AKAP6: variants seen among roughly 807,000 people sequenced by gnomAD.
AKAP6 encodes A-kinase anchor protein 6.
A neutral mutation model predicts 188.5 loss-of-function variants in AKAP6; 58 were observed. That is an observed-to-expected ratio of 0.31 (90% CI 0.25 to 0.38). The LOEUF (loss-of-function observed/expected upper bound fraction) is 0.38. Ranked by LOEUF, AKAP6 falls within the 10% of genes least tolerant of loss-of-function variation. The pLI is 1.00. For synonymous variants in AKAP6, 989 were observed against 998.6 expected (o/e 0.99, Z 0.18); for missense variants, 2,710 against 2,740.0 (o/e 0.99, Z 0.24).
chr14:32,600,854 A>C, intron 7 of AKAP6, 62 bp downstream of exon 7: 1 of 1,479,550 alleles, frequency 6.8e-7, no homozygotes, highest in South Asian at 1.5e-5. Flanking sequence ...ACTAGGCACC[A>C]CTGAAGTTTT....
intron 11 of AKAP6, among the ~76,000 whole-genome samples, chr14:32,736,547 G>T (rs2139845796): frequency 6.6e-6 from 1 of 152,224 alleles, no homozygotes; most frequent in African/African-American, 2.4e-5. Flanking sequence ...AGCCCATACT[G>T]CTTGAATCTT....
intron 10 of AKAP6, chr14:32,732,826 T>A: frequency 1.6e-6 from 1 of 616,308 alleles, no homozygotes; most frequent in South Asian, 2.0e-5. Context: ...TAATTTTGGT[T>A]CTTTAATACA....
At chr14:32,677,009 A>T (rs1889455870) in intron 7 of AKAP6, among the ~76,000 whole-genome samples, 1 of 152,052 alleles carries the variant, frequency 6.6e-6, no homozygotes, top group African/African-American at 2.4e-5. Flanking sequence ...TATTTTTAGT[A>T]GAGACGGGGT....
At chr14:32,453,081 C>T (rs1890991882) in intron 2 of AKAP6, among the ~76,000 whole-genome samples, 1 of 152,106 alleles carries the variant, frequency 6.6e-6, no homozygotes, top group Non-Finnish European at 1.5e-5. Context: ...AAAGAGAATC[C>T]TAGCTTCAGA....
At chr14:32,684,977 T>G (rs1889845371) in intron 8 of AKAP6, among the ~76,000 whole-genome samples, 1 of 152,080 alleles carries the variant, frequency 6.6e-6, no homozygotes, top group Non-Finnish European at 1.5e-5. Context: ...TGGGCGGGGC[T>G]GGGCACAGTG....
At chr14:32,672,708 TGTTAA>T (rs1349292474) in intron 7 of AKAP6, among the ~76,000 whole-genome samples, 1 of 152,172 alleles carries the variant, frequency 6.6e-6, no homozygotes, top group Non-Finnish European at 1.5e-5. Flanking sequence ...CATAATATTA[TGTTAA>T]AAGTTTACCA....
chr14:32,760,035 G>T (rs936765260), intron 11 of AKAP6, among the ~76,000 whole-genome samples: 10 of 152,300 alleles, frequency 6.6e-5, no homozygotes, highest in African/African-American at 2.4e-4. Flanking sequence ...TTACGCATGT[G>T]GTTCTCACTA....
intron 1 of AKAP6, among the ~76,000 whole-genome samples, chr14:32,354,876 G>C (rs142074007): frequency 0.022 from 3,346 of 152,272 alleles, 261 homozygotes; most frequent in Admixed American, 0.16. Flanking sequence ...ATGCCATCCC[G>C]GGGAGTTGCC....
intron 9 of AKAP6, among the ~76,000 whole-genome samples, chr14:32,716,665 T>TTATCTATCTATCTATCTATCTATC (rs59039609): frequency 9.7e-5 from 14 of 143,596 alleles, no homozygotes; most frequent in South Asian, 4.5e-4. Context: ...ATGGTATACA[T>TTATCTATCTATCTATCTATCTATC]TATCTATCTA....
chr14:32,792,550 C>A (rs1469766337), intron 12 of AKAP6, among the ~76,000 whole-genome samples: 1 of 152,142 alleles, frequency 6.6e-6, no homozygotes, highest in Non-Finnish European at 1.5e-5. Context: ...AATATACAGT[C>A]ATGCCATCTG....
At chr14:32,416,059 C>G (rs918338529) in intron 1 of AKAP6, among the ~76,000 whole-genome samples, 2 of 152,108 alleles carry the variant, frequency 1.3e-5, no homozygotes, top group African/African-American at 4.8e-5. Flanking sequence ...TGGGCATATA[C>G]CCAAAGGGGA....
rs117083226 is a variant in AKAP6, at chr14:32,749,351, A to G, written c.3372+13469A>G. Among the ~76,000 whole-genome samples, 702 of 152,310 alleles carry G rather than the reference A, an allele frequency of 4.6e-3. 4 individuals are homozygous for G. Among genetic ancestry groups the G allele is most frequent in the Non-Finnish European group, 7.1e-3 (486 of 68,004 alleles). ...CACTTTCAGCTTGGCACAAAATTTT[A>G]AGTAGATCAGCCAATAGCCAATTCT... On this transcript the variant is annotated intron_variant, in intron 11 of 13. Transcript: ENST00000280979.
At chr14:32,640,407 A>C (rs1445907071) in intron 7 of AKAP6, among the ~76,000 whole-genome samples, 1 of 152,142 alleles carries the variant, frequency 6.6e-6, no homozygotes, top group Non-Finnish European at 1.5e-5. Context: ...TTTAGGCCCT[A>C]GAGAGGAATG....
chr14:32,765,520 T>TG (rs1233567567), intron 11 of AKAP6, among the ~76,000 whole-genome samples: 1 of 152,238 alleles, frequency 6.6e-6, no homozygotes, highest in African/African-American at 2.4e-5. Context: ...TAGTCTTCTA[T>TG]GTTTACTTTT....
chr14:32,341,012 A>G (rs1886871569), intron 1 of AKAP6, among the ~76,000 whole-genome samples: 1 of 152,238 alleles, frequency 6.6e-6, no homozygotes, highest in Non-Finnish European at 1.5e-5. Context: ...TTCAGACAAT[A>G]GTATTTATAT....
chr14:32,425,167 C>T (rs997569739), intron 1 of AKAP6, among the ~76,000 whole-genome samples: 4 of 151,992 alleles, frequency 2.6e-5, no homozygotes, highest in Admixed American at 1.3e-4. Context: ...TTTTTTTTGA[C>T]GTTTTAATAA....
intron 9 of AKAP6, among the ~76,000 whole-genome samples, chr14:32,724,736 A>G (rs1003467814): frequency 6.6e-6 from 1 of 152,130 alleles, no homozygotes; most frequent in Non-Finnish European, 1.5e-5. Flanking sequence ...TGCATCAACA[A>G]AAACTGGAGT....
chr14:32,655,347 TAA>T (rs923835716), intron 7 of AKAP6, among the ~76,000 whole-genome samples: 2 of 152,220 alleles, frequency 1.3e-5, no homozygotes, highest in African/African-American at 2.4e-5. Context: ...TAACTGATAC[TAA>T]GTGTTAAACC....
intron 1 of AKAP6, among the ~76,000 whole-genome samples, chr14:32,367,177 ATTTC>A (rs946642132): frequency 6.6e-6 from 1 of 152,136 alleles, no homozygotes; most frequent in Non-Finnish European, 1.5e-5. Context: ...GCAGCTGGGA[ATTTC>A]TTTCTTGCTC....
Sources: gnomAD v4.1 joint callset for allele counts (sites outside exome capture counted in the v4.1 genomes callset) on GRCh38, gnomAD v4.1.1 for gene constraint, MANE v1.5 for transcripts, NCBI Gene and HGNC (gene_info 2026-07-23, HGNC 2026-07-21) for gene names.